KCNIP1: variants seen among roughly 807,000 people sequenced by gnomAD.
The protein encoded by KCNIP1 is A-type potassium channel modulatory protein KCNIP1.
A neutral mutation model predicts 33.0 loss-of-function variants in KCNIP1; 18 were observed. The ratio of observed to expected loss-of-function variants is 0.55; its 90% CI spans 0.38 to 0.81. The LOEUF is 0.81. KCNIP1 is among the 30% of genes least tolerant of loss of function. The pLI, the probability that KCNIP1 is intolerant of heterozygous loss-of-function variation, is 0.00. For synonymous variants in KCNIP1, 93 were observed against 98.3 expected (o/e 0.95, Z 0.32); for missense variants, 238 against 271.6 (o/e 0.88, Z 0.87).
At chr5:170,443,514 G>C (rs746009450) in intron 1 of KCNIP1, among the ~76,000 whole-genome samples, 12 of 152,202 alleles carry the variant, frequency 7.9e-5, no homozygotes, top group Non-Finnish European at 1.8e-4. Context: ...AGAACAGGTA[G>C]AATGATTATT....
At chr5:170,431,308 C>T (rs1269986285) in intron 1 of KCNIP1, among the ~76,000 whole-genome samples, 1 of 152,218 alleles carries the variant, frequency 6.6e-6, no homozygotes, top group Non-Finnish European at 1.5e-5. Context: ...TCCTGCCCTC[C>T]ATGGCTGATG....
intron 1 of KCNIP1, among the ~76,000 whole-genome samples, chr5:170,453,734 C>T (rs1756309504): frequency 6.6e-6 from 1 of 152,202 alleles, no homozygotes; most frequent in African/African-American, 2.4e-5. Flanking sequence ...AGAGATTCTC[C>T]TTGCTGACTT....
At chr5:170,728,603 A>T (rs1764085465) in intron 5 of KCNIP1, among the ~76,000 whole-genome samples, 1 of 152,198 alleles carries the variant, frequency 6.6e-6, no homozygotes, top group Admixed American at 6.5e-5. Flanking sequence ...AATTTAAAGC[A>T]CATGGGCATT....
intron 3 of KCNIP1, among the ~76,000 whole-genome samples, chr5:170,721,540 A>C (rs1320034382): frequency 6.6e-6 from 1 of 152,068 alleles, no homozygotes; most frequent in Non-Finnish European, 1.5e-5. Flanking sequence ...GAACATTGTC[A>C]TGCAGTCACT....
intron 1 of KCNIP1, among the ~76,000 whole-genome samples, chr5:170,618,895 A>G (rs1256678654): frequency 1.3e-5 from 2 of 152,112 alleles, no homozygotes; most frequent in African/African-American, 4.8e-5. Context: ...AGAAGACAGC[A>G]CATTCCTACT....
At chr5:170,388,024 C>CCA (rs1554088670) in intron 1 of KCNIP1, among the ~76,000 whole-genome samples, 43 of 152,238 alleles carry the variant, frequency 2.8e-4, no homozygotes, top group African/African-American at 7.9e-4. Context: ...ATCAGCCCCC[C>CCA]CCAGCGCCCA....
chr5:170,671,559 T>C (rs557304614), intron 1 of KCNIP1, among the ~76,000 whole-genome samples: 13 of 152,328 alleles, frequency 8.5e-5, no homozygotes, highest in African/African-American at 3.1e-4. Flanking sequence ...TGAGTATTCT[T>C]CCTTTATGGC....
chr5:170,477,641 A>G (rs1428670361), intron 1 of KCNIP1, among the ~76,000 whole-genome samples: 1 of 152,050 alleles, frequency 6.6e-6, no homozygotes, highest in African/African-American at 2.4e-5. Context: ...ACACAGTTTC[A>G]CCGTGTGGGC....
chr5:170,516,816 AT>A (rs1237222032), intron 1 of KCNIP1, among the ~76,000 whole-genome samples: 1 of 152,242 alleles, frequency 6.6e-6, no homozygotes, highest in Admixed American at 6.5e-5. Flanking sequence ...CAATCATGGT[AT>A]CAATTCATTG....
At chr5:170,427,677 G>A (rs1755644613) in intron 1 of KCNIP1, among the ~76,000 whole-genome samples, 1 of 152,176 alleles carries the variant, frequency 6.6e-6, no homozygotes, top group Admixed American at 6.5e-5. Context: ...GCCTGCTGCT[G>A]GGCCCCAGGA....
intron 1 of KCNIP1, among the ~76,000 whole-genome samples, chr5:170,543,260 C>T (rs977475956): frequency 1.1e-4 from 16 of 152,244 alleles, no homozygotes; most frequent in Admixed American, 8.5e-4. Flanking sequence ...AAAGTAGACA[C>T]GGACAGTCCT....
At chr5:170,382,927 G>A (rs1253517278) in intron 1 of KCNIP1, 1 of 145,502 alleles carries the variant, frequency 6.9e-6, no homozygotes, top group African/African-American at 2.6e-5. Flanking sequence ...AATGAGAGGA[G>A]GAAAGAAGGA....
intron 1 of KCNIP1, chr5:170,681,082 G>T (rs905529407): frequency 1.0e-5 from 4 of 399,458 alleles, no homozygotes; most frequent in Non-Finnish European, 1.8e-5. Context: ...TGGGCAGAGG[G>T]CGAGTCCGAA....
intron 5 of KCNIP1, among the ~76,000 whole-genome samples, chr5:170,730,976 A>G (rs1024897160): frequency 3.3e-5 from 5 of 152,228 alleles, no homozygotes; most frequent in African/African-American, 1.2e-4. Context: ...GTCCATGCTA[A>G]TGTAAATAAA....
At chr5:170,369,303 A>G (rs763636817) in intron 1 of KCNIP1, among the ~76,000 whole-genome samples, 1 of 152,204 alleles carries the variant, frequency 6.6e-6, no homozygotes, top group Admixed American at 6.5e-5. Flanking sequence ...AATGGAATGT[A>G]TGTGTGTAAA....
chr5:170,650,848 CA>C (rs1761018298), intron 1 of KCNIP1, among the ~76,000 whole-genome samples: 2 of 152,064 alleles, frequency 1.3e-5, no homozygotes, highest in African/African-American at 2.4e-5. Flanking sequence ...ACACTCTTAA[CA>C]AAGGGAAAAA....
chr5:170,632,490 C>A (rs983487590), intron 1 of KCNIP1, among the ~76,000 whole-genome samples: 13 of 152,256 alleles, frequency 8.5e-5, no homozygotes, highest in Non-Finnish European at 5.9e-5. Context: ...TAGGCCAGGG[C>A]GAACCAACAG....
At chr5:170,592,319 A>G (rs552077921) in intron 1 of KCNIP1, among the ~76,000 whole-genome samples, 2 of 152,324 alleles carry the variant, frequency 1.3e-5, no homozygotes, top group South Asian at 4.1e-4. Context: ...TGTAAATAGT[A>G]TTCCCAATCC....
At chr5:170,510,428 G>A (rs190209460) in intron 1 of KCNIP1, among the ~76,000 whole-genome samples, 4 of 152,316 alleles carry the variant, frequency 2.6e-5, no homozygotes, top group African/African-American at 4.8e-5. Flanking sequence ...GTGAGAATGC[G>A]GCGGTGCAGA....
Sources: allele counts gnomAD v4.1 joint callset (sites outside exome capture counted in the v4.1 genomes callset), GRCh38; gene constraint gnomAD v4.1.1; transcripts MANE v1.5; gene names NCBI Gene and HGNC (gene_info 2026-07-23, HGNC 2026-07-21).